TSPAN18: variants seen among roughly 807,000 people sequenced by gnomAD.
TSPAN18 encodes the protein tetraspanin-18.
TSPAN18 carries 14 observed loss-of-function variants against 27.3 expected under a neutral mutation model. The observed-to-expected ratio is 0.51, with a 90% confidence interval of 0.34 to 0.80. TSPAN18 has a LOEUF of 0.80. Among genes scored for constraint, TSPAN18 ranks in the 30% least tolerant of loss-of-function variants. TSPAN18 has a pLI of 0.01. For synonymous variants in TSPAN18, 143 were observed against 136.5 expected, an observed-to-expected ratio of 1.05 and a Z score of -0.33; for missense variants, 268 against 323.9, an observed-to-expected ratio of 0.83 and a Z score of 1.32.
chr11:44,910,356 C>T (rs981207681), intron 5 of TSPAN18, among the ~76,000 whole-genome samples: 2 of 152,214 alleles, frequency 1.3e-5, no homozygotes, highest in Non-Finnish European at 2.9e-5. Flanking sequence ...CACATAGGTC[C>T]ACCTCCAGGG....
chr11:44,861,224 G>A (rs1353579091), intron 3 of TSPAN18, among the ~76,000 whole-genome samples: 1 of 152,014 alleles, frequency 6.6e-6, no homozygotes. Context: ...AAATCCAATG[G>A]AAGGAGAGCT....
Position 44,919,807 on chromosome 11 carries a change from C to A in TSPAN18, c.433-10C>A, listed in dbSNP as rs1860056719. On this transcript the variant is annotated splice_polypyrimidine_tract_variant and intron_variant, in intron 7 of 9. Coordinates refer to ENST00000520358, the MANE Select transcript of TSPAN18 (RefSeq NM_130783.5). ...TGCCCACCAGAACCTTCTCTGGGAT[C>A]TCCCCCTAGTTTGGTTGCTGCGGGG... The A allele has an allele frequency of 6.2e-7, 1 of 1,613,900 alleles. No homozygotes were observed. The highest frequency in any genetic ancestry group is 1.1e-5 in the South Asian group (1 of 91,060).
chr11:44,867,806 G>A (rs1203986666), intron 3 of TSPAN18, among the ~76,000 whole-genome samples: 7 of 152,200 alleles, frequency 4.6e-5, no homozygotes, highest in Admixed American at 3.9e-4. Flanking sequence ...GCATGACAGA[G>A]CAGAAGCATT....
At chr11:44,730,551 C>T (rs1180667298) in intron 1 of TSPAN18, among the ~76,000 whole-genome samples, 1 of 151,940 alleles carries the variant, frequency 6.6e-6, no homozygotes, top group Non-Finnish European at 1.5e-5. Context: ...TTGGGCTCCT[C>T]CTGCCACCCG....
intron 2 of TSPAN18, among the ~76,000 whole-genome samples, chr11:44,832,196 C>T (rs960083381): frequency 2.0e-4 from 30 of 152,254 alleles, no homozygotes; most frequent in Admixed American, 1.4e-3. Flanking sequence ...AGTGGCTGCC[C>T]GTGCTAGGTG....
At chr11:44,856,557 G>A (rs200571004) in intron 2 of TSPAN18, among the ~76,000 whole-genome samples, 2 of 152,258 alleles carry the variant, frequency 1.3e-5, no homozygotes, top group East Asian at 3.9e-4. Context: ...TTAGCCACCT[G>A]GAACTACAGA....
At chr11:44,829,993 A>G (rs1857122575) in intron 2 of TSPAN18, among the ~76,000 whole-genome samples, 1 of 152,248 alleles carries the variant, frequency 6.6e-6, no homozygotes, top group Non-Finnish European at 1.5e-5. Flanking sequence ...CACTGAGAAT[A>G]AAATTCCCGC....
chr11:44,921,371 C>T (rs895381921), intron 8 of TSPAN18, among the ~76,000 whole-genome samples: 6 of 152,154 alleles, frequency 3.9e-5, no homozygotes, highest in Admixed American at 1.3e-4. Flanking sequence ...AGGCTGCTGG[C>T]TGCCCCCCAC....
In TSPAN18 at chr11:44,741,522, AATG is replaced by A. The variant is rs72200707; in HGVS notation, c.-240+14244_-240+14246del. On this transcript the variant is annotated intron_variant, in intron 1 of 9. Transcript: ENST00000520358. Reference sequence around the variant, plus strand: ...ATAGAATATTTTTGGAAAAAAAAATAATGATGATGATAATGTAGCTAAAGTTGT... The same window carrying A: ...ATAGAATATTTTTGGAAAAAAAAATAATGATGATAATGTAGCTAAAGTTGT... 5.8e-3 allele frequency among the ~76,000 whole-genome samples: 847 copies of A among 145,146 alleles called. 5 individuals are homozygous for A. Among genetic ancestry groups the A allele is most frequent in the African/African-American group, 0.023 (819 of 34,986 alleles).
chr11:44,778,990 C>T (rs1360101152), intron 2 of TSPAN18, among the ~76,000 whole-genome samples: 2 of 152,046 alleles, frequency 1.3e-5, no homozygotes, highest in African/African-American at 2.4e-5. Context: ...CCATTAGGCT[C>T]GGTCTATGCA....
chr11:44,737,399 C>T (rs1452185525), intron 1 of TSPAN18, among the ~76,000 whole-genome samples: 1 of 152,148 alleles, frequency 6.6e-6, no homozygotes, highest in African/African-American at 2.4e-5. Context: ...TCTCCCATGA[C>T]GCAGCCACCA....
At chr11:44,793,999 G>A (rs909357436) in intron 2 of TSPAN18, among the ~76,000 whole-genome samples, 3 of 152,108 alleles carry the variant, frequency 2.0e-5, no homozygotes, top group Admixed American at 6.5e-5. Context: ...GGAGTTAGGC[G>A]ATCTGTCAGC....
chr11:44,772,296 A>G (rs1271908835), intron 2 of TSPAN18, among the ~76,000 whole-genome samples: 2 of 152,208 alleles, frequency 1.3e-5, no homozygotes, highest in African/African-American at 2.4e-5. Flanking sequence ...TGCTTCCTCT[A>G]TACAACAAAA....
intron 3 of TSPAN18, 97 bp from the exon 4 acceptor site, chr11:44,906,310 G>C (rs1209884794): frequency 4.8e-6 from 5 of 1,051,846 alleles, no homozygotes; most frequent in Non-Finnish European, 7.4e-6. Flanking sequence ...GCCTTTGCAA[G>C]GGTGGGGCTG....
At chr11:44,870,072 A>G (rs1429760542) in intron 3 of TSPAN18, among the ~76,000 whole-genome samples, 1 of 152,052 alleles carries the variant, frequency 6.6e-6, no homozygotes, top group Non-Finnish European at 1.5e-5. Context: ...TTCCTATTTT[A>G]TTTTTTAAAC....
At chr11:44,897,748 C>T (rs553529358) in intron 3 of TSPAN18, 1 of 1,287,058 alleles carries the variant, frequency 7.8e-7, no homozygotes, top group Non-Finnish European at 1.0e-6. Context: ...TCTTATTGGA[C>T]AAGCTGGGCC....
chr11:44,767,843 T>C (rs1300501566), intron 2 of TSPAN18, among the ~76,000 whole-genome samples: 2 of 152,248 alleles, frequency 1.3e-5, no homozygotes, highest in Non-Finnish European at 2.9e-5. Flanking sequence ...TCCTTGGCAC[T>C]ATTTGTTGAA....
intron 2 of TSPAN18, among the ~76,000 whole-genome samples, chr11:44,856,654 G>A (rs1236282982): frequency 6.6e-6 from 1 of 152,082 alleles, no homozygotes; most frequent in Non-Finnish European, 1.5e-5. Context: ...TGGTGCCCCT[G>A]GAATCCCAGG....
intron 2 of TSPAN18, among the ~76,000 whole-genome samples, chr11:44,827,604 A>G (rs2135135869): frequency 6.6e-6 from 1 of 152,312 alleles, no homozygotes. Flanking sequence ...TGGCTGGAAT[A>G]AAGCCTTAGC....
Sources: gnomAD v4.1 joint callset for allele counts (sites outside exome capture counted in the v4.1 genomes callset) on GRCh38, gnomAD v4.1.1 for gene constraint, MANE v1.5 for transcripts, NCBI Gene and HGNC (gene_info 2026-07-23, HGNC 2026-07-21) for gene names.